Variants in B3GALT1 observed in about 807,000 individuals in gnomAD.
The protein encoded by B3GALT1 is UDP-Gal:betaGlcNAc beta 1,3-galactosyltransferase, polypeptide 1.
In B3GALT1, 10 loss-of-function variants were observed where a neutral mutation model predicts 23.2. The observed-to-expected ratio is 0.43, with a 90% confidence interval of 0.27 to 0.73. B3GALT1 has a LOEUF of 0.73. Ranked by LOEUF, B3GALT1 falls within the 30% of genes least tolerant of loss-of-function variation. The probability of loss-of-function intolerance (pLI) is 0.21; values close to 1 mark genes in which losing one functional copy is unlikely to be tolerated. For missense variants in B3GALT1, 299 were observed against 405.4 expected, an observed-to-expected ratio of 0.74 and a Z score of 2.25; for synonymous variants, 156 against 141.5, an observed-to-expected ratio of 1.10 and a Z score of -0.73.
intron 2 of B3GALT1, among the ~76,000 whole-genome samples, chr2:167,508,434 A>G (rs1426951179): frequency 1.3e-5 from 2 of 151,194 alleles, no homozygotes; most frequent in African/African-American, 2.4e-5. Flanking sequence ...AATTTTTTAT[A>G]TTTTTAGTAG....
intron 2 of B3GALT1, among the ~76,000 whole-genome samples, chr2:167,609,928 A>G (rs1410894919): frequency 6.6e-6 from 1 of 152,156 alleles, no homozygotes; most frequent in Non-Finnish European, 1.5e-5. Flanking sequence ...CCACCCTTTC[A>G]CTAGAGAGAA....
At chr2:167,804,092 A>T (rs2105343600) in intron 3 of B3GALT1, among the ~76,000 whole-genome samples, 1 of 152,152 alleles carries the variant, frequency 6.6e-6, no homozygotes, top group South Asian at 2.1e-4. Flanking sequence ...CGGGTTCAAG[A>T]CATTCTCCTG....
At chr2:167,701,862 C>G (rs1558953196) in intron 3 of B3GALT1, among the ~76,000 whole-genome samples, 1 of 152,112 alleles carries the variant, frequency 6.6e-6, no homozygotes, top group Admixed American at 6.6e-5. Flanking sequence ...TCTTTCAAGT[C>G]CTTTGTGAGC....
At chr2:167,294,546 AAACTT>A (rs1226984616) in intron 1 of B3GALT1, among the ~76,000 whole-genome samples, 1 of 152,190 alleles carries the variant, frequency 6.6e-6, no homozygotes, top group Non-Finnish European at 1.5e-5. Context: ...CAGGACGCAC[AAACTT>A]ACTCTTGGCG....
intron 2 of B3GALT1, among the ~76,000 whole-genome samples, chr2:167,603,226 C>G (rs1232325578): frequency 2.0e-5 from 3 of 152,098 alleles, no homozygotes; most frequent in South Asian, 4.2e-4. Context: ...CTCAGCTTTT[C>G]CACCTCTACT....
intron 1 of B3GALT1, among the ~76,000 whole-genome samples, chr2:167,417,755 A>C (rs999445272): frequency 2.0e-5 from 3 of 152,210 alleles, no homozygotes; most frequent in Admixed American, 6.5e-5. Flanking sequence ...TGAGTCACAG[A>C]CTATTATAAT....
chr2:167,826,764 C>T (rs1689237889), intron 4 of B3GALT1, among the ~76,000 whole-genome samples: 1 of 152,024 alleles, frequency 6.6e-6, no homozygotes, highest in South Asian at 2.1e-4. Flanking sequence ...AACAACACAA[C>T]AATAAAAGAT....
intron 3 of B3GALT1, chr2:167,713,908 G>A (rs1687102303): frequency 1.9e-6 from 3 of 1,579,256 alleles, no homozygotes; most frequent in East Asian, 2.2e-5. Flanking sequence ...GAGGAGGTTG[G>A]GGGAAAGGAG....
intron 3 of B3GALT1, among the ~76,000 whole-genome samples, chr2:167,754,899 T>C (rs1402333255): frequency 2.0e-5 from 3 of 152,264 alleles, no homozygotes; most frequent in Non-Finnish European, 4.4e-5. Flanking sequence ...TTTTAAAACA[T>C]CTGGCTAGCA....
At chr2:167,327,121 T>C (rs1696908479) in intron 1 of B3GALT1, among the ~76,000 whole-genome samples, 1 of 152,170 alleles carries the variant, frequency 6.6e-6, no homozygotes, top group Admixed American at 6.5e-5. Context: ...TCTATATGTT[T>C]AATTTTATAC....
intron 4 of B3GALT1, among the ~76,000 whole-genome samples, chr2:167,853,559 A>G (rs1303336282): frequency 2.6e-5 from 4 of 152,134 alleles, no homozygotes; most frequent in African/African-American, 9.7e-5. Flanking sequence ...TCATTTGTAT[A>G]TTTATTATAA....
chr2:167,393,872 C>G (rs1370941068), intron 1 of B3GALT1, among the ~76,000 whole-genome samples: 1 of 152,164 alleles, frequency 6.6e-6, no homozygotes, highest in African/African-American at 2.4e-5. Context: ...CAAAAGTGGA[C>G]ATGGAGCAAG....
At chr2:167,435,941 CCA>C (rs1267168953) in intron 1 of B3GALT1, among the ~76,000 whole-genome samples, 2 of 143,938 alleles carry the variant, frequency 1.4e-5, no homozygotes, top group Admixed American at 6.8e-5. Context: ...TGTCTACCCT[CCA>C]CACACACACA....
At chr2:167,631,056 A>G (rs1215246591) in intron 2 of B3GALT1, among the ~76,000 whole-genome samples, 10 of 151,842 alleles carry the variant, frequency 6.6e-5, no homozygotes, top group African/African-American at 9.7e-5. Context: ...ACTTTGCTCA[A>G]TATTATTTGA....
At position 167,617,529 on chromosome 2, in the gene B3GALT1, A is replaced by T. The variant is rs140770762; in HGVS notation, c.-409-29380A>T. 6.1e-3 allele frequency among the ~76,000 whole-genome samples: 924 copies of T among 152,184 alleles called. 6 individuals are homozygous for T. The highest frequency in any genetic ancestry group is 0.021 in the African/African-American group (877 of 41,552). On this transcript the variant is annotated intron_variant, in intron 2 of 4. Coordinates refer to ENST00000392690, the MANE Select transcript of B3GALT1 (RefSeq NM_020981.4). ...TCTATTAGAAGTGAAAAGGGGTGTTAGGCCACAAGCAGTGTCTGCCATAGA... is the reference window on the plus strand; with the variant it reads ...TCTATTAGAAGTGAAAAGGGGTGTTTGGCCACAAGCAGTGTCTGCCATAGA...
intron 3 of B3GALT1, chr2:167,814,880 G>A (rs1163466655): frequency 2.0e-5 from 3 of 152,212 alleles, no homozygotes; most frequent in Non-Finnish European, 4.4e-5. Flanking sequence ...CAAGGGAAGT[G>A]GGAGAACCCC....
chr2:167,696,296 CAAAAAA>C (rs35575073), intron 3 of B3GALT1, among the ~76,000 whole-genome samples: 13 of 91,838 alleles, frequency 1.4e-4, no homozygotes, highest in Admixed American at 3.8e-4. Context: ...TGGTAAGAGG[CAAAAAA>C]AAAAAAAAAA....
chr2:167,390,212 T>C (rs2105282130), intron 1 of B3GALT1, among the ~76,000 whole-genome samples: 2 of 152,284 alleles, frequency 1.3e-5, no homozygotes, highest in African/African-American at 4.8e-5. Flanking sequence ...AAATCATTGA[T>C]TCAAGTTTGT....
At chr2:167,695,021 A>G (rs1157886471) in intron 3 of B3GALT1, among the ~76,000 whole-genome samples, 1 of 152,074 alleles carries the variant, frequency 6.6e-6, no homozygotes, top group African/African-American at 2.4e-5. Flanking sequence ...TGCTCTCTCA[A>G]TTGAGCTCTG....
Sources: gnomAD v4.1 joint callset for allele counts (sites outside exome capture counted in the v4.1 genomes callset) on GRCh38, gnomAD v4.1.1 for gene constraint, MANE v1.5 for transcripts, NCBI Gene and HGNC (gene_info 2026-07-23, HGNC 2026-07-21) for gene names.